CRPPA: variants seen among roughly 807,000 people sequenced by gnomAD.
CRPPA encodes the protein D-ribitol-5-phosphate cytidylyltransferase.
In CRPPA, 43 loss-of-function variants were observed where a neutral mutation model predicts 52.0. The ratio of observed to expected loss-of-function variants is 0.83; its 90% CI spans 0.65 to 1.07. CRPPA has a LOEUF of 1.07. CRPPA is among the 50% of genes least tolerant of loss of function. The pLI is 0.00. For synonymous variants in CRPPA, 250 were observed against 203.5 expected (o/e 1.23, Z -1.94); for missense variants, 629 against 551.7 (o/e 1.14, Z -1.40).
At chr7:16,276,443 G>A (rs1038202054) in intron 6 of CRPPA, 4 of 152,100 alleles carry the variant, frequency 2.6e-5, no homozygotes, top group Non-Finnish European at 5.9e-5. Flanking sequence ...GACAAAGAAA[G>A]TCAGATTTTC....
intron 2 of CRPPA, among the ~76,000 whole-genome samples, chr7:16,403,250 C>A (rs1037554883): frequency 2.0e-5 from 3 of 152,138 alleles, no homozygotes; most frequent in Non-Finnish European, 4.4e-5. Flanking sequence ...TGGAAGCCAT[C>A]TTGCCTCCCT....
intron 9 of CRPPA, among the ~76,000 whole-genome samples, chr7:16,199,265 C>G (rs1478878856): frequency 6.6e-6 from 1 of 152,094 alleles, no homozygotes; most frequent in African/African-American, 2.4e-5. Context: ...GTCACTTCTG[C>G]AAAACTCAGA....
intron 9 of CRPPA, among the ~76,000 whole-genome samples, chr7:16,113,726 C>T (rs1196140123): frequency 6.6e-6 from 1 of 151,458 alleles, no homozygotes; most frequent in Non-Finnish European, 1.5e-5. Flanking sequence ...ACTCCCCCCT[C>T]CACACACCAA....
At chr7:16,300,692 C>A (rs540185664) in intron 5 of CRPPA, among the ~76,000 whole-genome samples, 1 of 152,264 alleles carries the variant, frequency 6.6e-6, no homozygotes, top group Admixed American at 6.5e-5. Context: ...ACAGTCCACA[C>A]AGCTTAGAAT....
intron 8 of CRPPA, among the ~76,000 whole-genome samples, chr7:16,218,025 T>A: frequency 6.6e-6 from 1 of 151,496 alleles, no homozygotes. Flanking sequence ...GAAAAAATGT[T>A]AAGGGCAGCC....
intron 9 of CRPPA, among the ~76,000 whole-genome samples, chr7:16,181,619 C>G (rs1028099113): frequency 1.3e-5 from 2 of 151,960 alleles, no homozygotes; most frequent in African/African-American, 2.4e-5. Flanking sequence ...ATCATCCTGT[C>G]AGAGCACATT....
intron 3 of CRPPA, among the ~76,000 whole-genome samples, chr7:16,365,253 G>A (rs1786561838): frequency 1.3e-5 from 2 of 152,218 alleles, no homozygotes; most frequent in East Asian, 3.8e-4. Flanking sequence ...CACAGAGGGA[G>A]ATGTCAGATG....
intron 8 of CRPPA, among the ~76,000 whole-genome samples, chr7:16,231,208 ACTGT>A (rs912284785): frequency 1.3e-5 from 2 of 152,256 alleles, no homozygotes; most frequent in African/African-American, 4.8e-5. Flanking sequence ...CAGGTAACAA[ACTGT>A]CCTTCCTACT....
At chr7:16,417,560 G>C (rs1166731186) in intron 1 of CRPPA, among the ~76,000 whole-genome samples, 1 of 152,122 alleles carries the variant, frequency 6.6e-6, no homozygotes, top group Non-Finnish European at 1.5e-5. Context: ...ATTACCACAA[G>C]TTCTCCTAAG....
At chr7:16,290,177 C>T (rs953853519) in intron 5 of CRPPA, among the ~76,000 whole-genome samples, 6 of 151,906 alleles carry the variant, frequency 3.9e-5, no homozygotes, top group African/African-American at 1.5e-4. Context: ...GGAAGACATC[C>T]ATGCTCATGA....
rs76250200 is a variant in CRPPA at position 16,323,917 on chromosome 7, G to A, written c.685-15290C>T. ...AGCAGCTTTGAAAGCACCTACATAC[G>A]TGGTAAAACTGTAGAGAAAAGCAAA... On this transcript the variant is annotated intron_variant, in intron 3 of 9. Coordinates refer to ENST00000407010, the MANE Select transcript of CRPPA (RefSeq NM_001101426.4). 6.6e-3 allele frequency among the ~76,000 whole-genome samples: 1,008 copies of A among 152,214 alleles called. 11 individuals are homozygous for A. Among genetic ancestry groups the A allele is most frequent in the African/African-American group, 0.023 (957 of 41,558 alleles).
At chr7:16,415,034 G>T (rs992798183) in intron 1 of CRPPA, among the ~76,000 whole-genome samples, 14 of 145,884 alleles carry the variant, frequency 9.6e-5, no homozygotes, top group African/African-American at 3.8e-4. Flanking sequence ...TAAATACTTA[G>T]CTTGTAAATC....
intron 3 of CRPPA, among the ~76,000 whole-genome samples, chr7:16,323,289 C>G (rs1267092049): frequency 6.6e-6 from 1 of 152,112 alleles, no homozygotes; most frequent in Non-Finnish European, 1.5e-5. Context: ...TACACTTGCC[C>G]TTATCTATAA....
At chr7:16,266,714 G>C (rs775720314) in intron 6 of CRPPA, among the ~76,000 whole-genome samples, 1 of 152,088 alleles carries the variant, frequency 6.6e-6, no homozygotes, top group African/African-American at 2.4e-5. Flanking sequence ...TCTGACCTTA[G>C]GTGATCCACC....
At chr7:16,211,242 T>C (rs1249539985) in intron 9 of CRPPA, among the ~76,000 whole-genome samples, 2 of 152,130 alleles carry the variant, frequency 1.3e-5, no homozygotes, top group Admixed American at 6.5e-5. Flanking sequence ...ATAAAAACAA[T>C]TTTTTTCAAA....
intron 8 of CRPPA, among the ~76,000 whole-genome samples, chr7:16,257,232 T>C (rs1203941065): frequency 2.6e-5 from 4 of 152,098 alleles, no homozygotes; most frequent in African/African-American, 4.8e-5. Flanking sequence ...TTTCACTACA[T>C]TGGACGGCCT....
chr7:16,101,973 A>T (rs1216963871), intron 9 of CRPPA, among the ~76,000 whole-genome samples: 4 of 152,200 alleles, frequency 2.6e-5, no homozygotes, highest in Admixed American at 2.6e-4. Flanking sequence ...TTTCATATGG[A>T]ACCAAAAAAG....
intron 9 of CRPPA, among the ~76,000 whole-genome samples, chr7:16,186,425 A>G (rs1209701726): frequency 6.6e-6 from 1 of 152,128 alleles, no homozygotes; most frequent in African/African-American, 2.4e-5. Context: ...GAAGGCCCTC[A>G]CCAGAATCCA....
intron 3 of CRPPA, among the ~76,000 whole-genome samples, chr7:16,343,494 G>A (rs961225550): frequency 6.6e-6 from 1 of 152,138 alleles, no homozygotes; most frequent in Non-Finnish European, 1.5e-5. Flanking sequence ...TATTCGACCT[G>A]TCTCAAAGTT....
Sources: gnomAD v4.1 joint callset for allele counts (sites outside exome capture counted in the v4.1 genomes callset) on GRCh38, gnomAD v4.1.1 for gene constraint, MANE v1.5 for transcripts, NCBI Gene and HGNC (gene_info 2026-07-23, HGNC 2026-07-21) for gene names.